The following CAST variants were observed in gnomAD, a reference collection of about 807,000 sequenced individuals.
CAST encodes calpastatin.
CAST carries 76 observed loss-of-function variants against 119.6 expected under a neutral mutation model. The ratio of observed to expected loss-of-function variants is 0.64; its 90% CI spans 0.53 to 0.77. The LOEUF (loss-of-function observed/expected upper bound fraction) is 0.77, where lower values mean the gene tolerates loss of function less well. Among genes scored for constraint, CAST ranks in the 30% least tolerant of loss-of-function variants. The probability of loss-of-function intolerance (pLI) is 0.00; values close to 1 mark genes in which losing one functional copy is unlikely to be tolerated. For missense variants in CAST, 953 were observed against 946.5 expected, an observed-to-expected ratio of 1.01 and a Z score of -0.09; for synonymous variants, 319 against 331.6, an observed-to-expected ratio of 0.96 and a Z score of 0.41.
the CAST span, among the ~76,000 whole-genome samples, chr5:96,328,382 C>CTCTCT: frequency 0.014 from 272 of 18,932 alleles, 55 homozygotes; most frequent in Admixed American, 0.021. Context: ...CTTCTCTCTC[C>CTCTCT]CTCTCTCTCT....
At chr5:96,520,565 ATG>A (rs777615254), upstream of CAST, among the ~76,000 whole-genome samples, 1 of 151,148 alleles carries the variant, frequency 6.6e-6, no homozygotes, top group African/African-American at 2.4e-5. Flanking sequence ...CTAGGTGTGT[ATG>A]TGTGTGTGTC....
intron 1 of CAST, among the ~76,000 whole-genome samples, chr5:96,536,636 G>A (rs556254684): frequency 2.0e-5 from 3 of 152,112 alleles, no homozygotes; most frequent in Non-Finnish European, 4.4e-5. Context: ...CCAGAGTGAT[G>A]ATACATTTTT....
chr5:96,658,867 T>C (rs1748201528), upstream of CAST, among the ~76,000 whole-genome samples: 1 of 152,228 alleles, frequency 6.6e-6, no homozygotes, highest in African/African-American at 2.4e-5. Context: ...TAAACATAGT[T>C]GTGTGGATCT....
At chr5:96,412,889 G>GGGCCCC in the CAST span, 1 of 329,994 alleles carries the variant, frequency 3.0e-6, no homozygotes, top group Non-Finnish European at 4.6e-6. Flanking sequence ...CAAAATGTTT[G>GGGCCCC]CCCTCCCTCC....
At chr5:96,634,867 G>C (rs1445501070) in intron 1 of CAST, among the ~76,000 whole-genome samples, 1 of 152,160 alleles carries the variant, frequency 6.6e-6, no homozygotes, top group Non-Finnish European at 1.5e-5. Flanking sequence ...CATTCTGACT[G>C]TGCGATTTGG....
chr5:96,263,811 A>G, the CAST span, among the ~76,000 whole-genome samples: 496 of 152,300 alleles, frequency 3.3e-3, 8 homozygotes, highest in East Asian at 6.9e-3. Context: ...GGTGGAAGCC[A>G]AAGGAGAAGC....
At chr5:96,073,648 C>A in the CAST span, among the ~76,000 whole-genome samples, 1 of 152,110 alleles carries the variant, frequency 6.6e-6, no homozygotes, top group Non-Finnish European at 1.5e-5. Flanking sequence ...ATAAGGAGCC[C>A]ACAACCTGGA....
the CAST span, among the ~76,000 whole-genome samples, chr5:96,398,386 C>T: frequency 2.0e-5 from 3 of 152,160 alleles, no homozygotes; most frequent in Non-Finnish European, 2.9e-5. Context: ...TTAGTGCCCT[C>T]GCAGGAAAAA....
At chr5:96,060,197 A>C in the CAST span, among the ~76,000 whole-genome samples, 3 of 152,176 alleles carry the variant, frequency 2.0e-5, no homozygotes, top group Non-Finnish European at 4.4e-5. Context: ...AATAGTTCTA[A>C]GGTTATGTTA....
the CAST span, among the ~76,000 whole-genome samples, chr5:95,990,371 A>C: frequency 1.3e-5 from 2 of 152,252 alleles, no homozygotes; most frequent in South Asian, 4.1e-4. Flanking sequence ...TTCCTTATCA[A>C]TAAAGTATAG....
chr5:96,275,627 C>T, the CAST span, among the ~76,000 whole-genome samples: 1 of 152,174 alleles, frequency 6.6e-6, no homozygotes, highest in African/African-American at 2.4e-5. Flanking sequence ...GTAAATAGCA[C>T]ATCTGCTCAA....
upstream of CAST, among the ~76,000 whole-genome samples, chr5:96,661,257 TAAAAAAA>T (rs59810319): frequency 1.5e-5 from 1 of 67,958 alleles, no homozygotes; most frequent in East Asian, 4.7e-4. Context: ...TCTCTACCAT[TAAAAAAA>T]AAAAAAAAAA....
At chr5:96,411,885 C>T in the CAST span, among the ~76,000 whole-genome samples, 182 of 152,336 alleles carry the variant, frequency 1.2e-3, no homozygotes, top group African/African-American at 4.3e-3. Context: ...TCTCAGCTCA[C>T]TGCTACCTCC....
At chr5:96,171,339 A>G in the CAST span, among the ~76,000 whole-genome samples, 1 of 152,238 alleles carries the variant, frequency 6.6e-6, no homozygotes, top group Non-Finnish European at 1.5e-5. Flanking sequence ...AGTTTTTGAG[A>G]ACACAGGCTA....
chr5:96,702,199 T>C (rs1753992567), intron 3 of CAST, among the ~76,000 whole-genome samples: 1 of 152,140 alleles, frequency 6.6e-6, no homozygotes, highest in Non-Finnish European at 1.5e-5. Context: ...TTTTTTATAA[T>C]TATTTTCTCT....
At chr5:96,508,274 CA>C in the CAST span, among the ~76,000 whole-genome samples, 2 of 152,120 alleles carry the variant, frequency 1.3e-5, no homozygotes, top group African/African-American at 4.8e-5. Context: ...TGTCCCTTCC[CA>C]GCGTGTGACT....
At chr5:96,146,411 T>C in the CAST span, among the ~76,000 whole-genome samples, 1 of 152,224 alleles carries the variant, frequency 6.6e-6, no homozygotes. Flanking sequence ...TGCAGATTGC[T>C]AGGACCCACT....
the CAST span, among the ~76,000 whole-genome samples, chr5:96,431,341 G>C: frequency 6.6e-6 from 1 of 152,066 alleles, no homozygotes; most frequent in Non-Finnish European, 1.5e-5. Context: ...TTCTGTTCCC[G>C]GAGCAAATGT....
chr5:96,367,229 C>A, the CAST span, among the ~76,000 whole-genome samples: 1 of 152,138 alleles, frequency 6.6e-6, no homozygotes, highest in Admixed American at 6.5e-5. Context: ...TGTCAGTCTG[C>A]CCCTACTGGG....
Sources: gnomAD v4.1 joint callset for allele counts (sites outside exome capture counted in the v4.1 genomes callset) on GRCh38, gnomAD v4.1.1 for gene constraint, MANE v1.5 for transcripts, NCBI Gene and HGNC (gene_info 2026-07-23, HGNC 2026-07-21) for gene names.